Variants in MAST2 observed in about 807,000 individuals in gnomAD.
The protein encoded by MAST2 is microtubule-associated serine/threonine-protein kinase 2.
Under a neutral mutation model 147.4 loss-of-function variants are expected in MAST2, and 70 were observed. The observed-to-expected ratio is 0.47, with a 90% CI of 0.39 to 0.58. The LOEUF is 0.58. Among genes scored for constraint, MAST2 ranks in the 20% least tolerant of loss-of-function variants. The pLI, the probability that MAST2 is intolerant of heterozygous loss-of-function variation, is 0.00. For synonymous variants in MAST2, 869 were observed against 896.8 expected (o/e 0.97, Z 0.55); for missense variants, 2,080 against 2,302.3 (o/e 0.90, Z 1.98).
At chr1:45,922,659 G>A (rs544530281) in intron 4 of MAST2, among the ~76,000 whole-genome samples, 14 of 152,298 alleles carry the variant, frequency 9.2e-5, no homozygotes, top group African/African-American at 3.4e-4. Flanking sequence ...CGAGGGGCAG[G>A]GGCCTTCCTA....
intron 4 of MAST2, among the ~76,000 whole-genome samples, chr1:45,952,761 A>T (rs978130058): frequency 2.6e-5 from 4 of 152,162 alleles, no homozygotes; most frequent in Admixed American, 6.5e-5. Context: ...TGAGTGACCA[A>T]AAAAAGCCAT....
At chr1:46,016,511 A>C (rs934288363) in intron 10 of MAST2, among the ~76,000 whole-genome samples, 1 of 152,154 alleles carries the variant, frequency 6.6e-6, no homozygotes, top group Non-Finnish European at 1.5e-5. Context: ...ATGTACAAAA[A>C]TCACAAGCAT....
At chr1:45,954,936 A>C (rs1227498447) in intron 4 of MAST2, among the ~76,000 whole-genome samples, 12 of 152,264 alleles carry the variant, frequency 7.9e-5, no homozygotes, top group Non-Finnish European at 2.9e-5. Flanking sequence ...TTTCAGACAC[A>C]AGGATTTAGA....
At position 46,035,730 on chromosome 1, in the gene MAST2, A is replaced by G; in HGVS notation, c.5061A>G (p.Glu1687=). The part of the protein sequence containing the change: ...AGGLANLQDL[E]NTTPAQPKNL... ...GGCTAGCCAACCTCCAGGATTTGGA[A>G]AACACAACTCCAGCCCAGCCTAAGA... The change falls in exon 29 of 29, where the codon GAA becomes GAG. Residue 1687 remains glutamate (E), a synonymous_variant. Transcript: ENST00000361297. The surrounding 1 kb of genome is among the most constrained non-coding windows in gnomAD (Gnocchi z 5.5). 1 of 1,614,042 alleles carries G rather than the reference A, an allele frequency of 6.2e-7. No homozygotes were observed. The highest frequency in any genetic ancestry group is 8.5e-7 in the Non-Finnish European group (1 of 1,180,018).
chr1:45,867,080 A>G (rs1646186554), intron 3 of MAST2, among the ~76,000 whole-genome samples: 2 of 152,156 alleles, frequency 1.3e-5, no homozygotes, highest in Admixed American at 1.3e-4. Flanking sequence ...AATAAACTTT[A>G]AGGTTCATTC....
At chr1:46,033,666 C>T in intron 26 of MAST2, 136 bp from the exon 27 acceptor site, 1 of 1,121,786 alleles carries the variant, frequency 8.9e-7, no homozygotes, top group Admixed American at 2.3e-5. Context: ...TAATATAGGC[C>T]TGTGGTTCAG....
At chr1:46,007,321 A>G (rs1645526877) in intron 8 of MAST2, among the ~76,000 whole-genome samples, 1 of 152,164 alleles carries the variant, frequency 6.6e-6, no homozygotes, top group Non-Finnish European at 1.5e-5. Flanking sequence ...CCAGACCACA[A>G]TGACTGGTTC....
intron 4 of MAST2, among the ~76,000 whole-genome samples, chr1:45,888,329 C>G (rs1647180720): frequency 6.6e-6 from 1 of 152,038 alleles, no homozygotes; most frequent in Admixed American, 6.6e-5. Flanking sequence ...TGTTATACCT[C>G]TCAAATATCT....
chr1:46,026,659 G>T (rs993218620), intron 16 of MAST2, among the ~76,000 whole-genome samples: 4 of 152,122 alleles, frequency 2.6e-5, no homozygotes, highest in African/African-American at 9.7e-5. Flanking sequence ...AGAAAGAAGA[G>T]GGGTAGTGTG....
intron 5 of MAST2, 25 bp downstream of exon 5, chr1:45,959,502 G>T (rs777577284): frequency 6.2e-7 from 1 of 1,602,676 alleles, no homozygotes; most frequent in South Asian, 1.1e-5. Flanking sequence ...GTTAAGAAAG[G>T]TTGAATGAAA....
At chr1:45,989,405 TCTAA>T (rs1247376128) in intron 5 of MAST2, among the ~76,000 whole-genome samples, 2 of 152,224 alleles carry the variant, frequency 1.3e-5, no homozygotes, top group Non-Finnish European at 2.9e-5. Context: ...TGATCTTTAG[TCTAA>T]CTGATTTCAT....
At chr1:45,969,429 G>A (rs1252478092) in intron 5 of MAST2, among the ~76,000 whole-genome samples, 1 of 152,162 alleles carries the variant, frequency 6.6e-6, no homozygotes, top group Non-Finnish European at 1.5e-5. Context: ...TAGGAGGTAA[G>A]CGTCAGACAA....
In MAST2 at chr1:46,035,128, G is replaced by C; in HGVS notation, c.4459G>C (p.Glu1487Gln). Residue 1487 changes from glutamate to glutamine, a missense_variant, in exon 29 of 29, where the codon GAA becomes CAA. This residue lies in a region of MAST2 where 1,278 missense variants were observed against 1,304.2 expected (regional missense o/e 0.98). Transcript: ENST00000361297. This position sits in a 1 kb window ranked among gnomAD's most constrained non-coding sequence, Gnocchi z 5.5. Reference sequence around the variant, plus strand: ...AGGCACCCTCCGGCAGGACCGAGCCGAACGACGGGAGTCGCTGCAGAAGCA... The same window carrying C: ...AGGCACCCTCCGGCAGGACCGAGCCCAACGACGGGAGTCGCTGCAGAAGCA... ...ALGTLRQDRA[E>Q]RRESLQKQEA... is the part of the protein sequence containing the mutation. 3 of 1,613,638 alleles carry C rather than the reference G, an allele frequency of 1.9e-6. No homozygotes were observed. Among genetic ancestry groups the C allele is most frequent in the Non-Finnish European group, 2.5e-6 (3 of 1,179,976 alleles).
At chr1:45,869,575 T>G (rs1212940291) in intron 3 of MAST2, among the ~76,000 whole-genome samples, 2 of 152,230 alleles carry the variant, frequency 1.3e-5, no homozygotes, top group Non-Finnish European at 2.9e-5. Flanking sequence ...CTGCTTTATG[T>G]ATTTACTGAA....
intron 4 of MAST2, among the ~76,000 whole-genome samples, chr1:45,912,757 C>T (rs1325665542): frequency 6.6e-6 from 1 of 152,216 alleles, no homozygotes; most frequent in Admixed American, 6.5e-5. Context: ...AGTCTAGGTT[C>T]TTTTTCTCAG....
chr1:46,030,325 CAG>C, intron 21 of MAST2, 87 bp downstream of exon 21: 1 of 1,365,302 alleles, frequency 7.3e-7, no homozygotes, highest in Non-Finnish European at 1.0e-6. Flanking sequence ...GGGGCAGGCT[CAG>C]GGAGTTGGGG....
At chr1:45,837,387 G>A (rs1295484986) in intron 3 of MAST2, among the ~76,000 whole-genome samples, 1 of 152,140 alleles carries the variant, frequency 6.6e-6, no homozygotes, top group Non-Finnish European at 1.5e-5. Flanking sequence ...AGTCTTTTGT[G>A]TCTTTTTTCA....
intron 10 of MAST2, among the ~76,000 whole-genome samples, chr1:46,018,195 C>T (rs1014987011): frequency 6.6e-6 from 1 of 152,158 alleles, no homozygotes; most frequent in African/African-American, 2.4e-5. Context: ...TCACAGGGCA[C>T]CATCCGGCAT....
chr1:45,853,733 G>A (rs1039201984), intron 3 of MAST2, among the ~76,000 whole-genome samples: 3 of 150,582 alleles, frequency 2.0e-5, no homozygotes, highest in African/African-American at 4.9e-5. Context: ...TTTTCAATCA[G>A]CTTTCTTAGG....
Sources: allele counts gnomAD v4.1 joint callset (sites outside exome capture counted in the v4.1 genomes callset), GRCh38; gene constraint gnomAD v4.1.1; regional missense constraint gnomAD v4.1.1; non-coding constraint Gnocchi (gnomAD v3.1); transcripts MANE v1.5; gene names NCBI Gene and HGNC (gene_info 2026-07-23, HGNC 2026-07-21).